The following CACNA2D1 variants were observed in gnomAD, a reference collection of about 807,000 sequenced individuals.
CACNA2D1 encodes voltage-dependent calcium channel subunit alpha-2/delta-1.
CACNA2D1 carries 53 observed loss-of-function variants against 171.5 expected under a neutral mutation model. The observed-to-expected ratio is 0.31, with a 90% confidence interval of 0.25 to 0.39. The LOEUF is 0.39. CACNA2D1 is among the 10% of genes least tolerant of loss of function. CACNA2D1 has a pLI of 1.00. For missense variants in CACNA2D1, 903 were observed against 1,299.8 expected (o/e 0.69, Z 4.69); for synonymous variants, 442 against 443.1 (o/e 1.00, Z 0.03).
chr7:81,955,688 A>G (rs998315919), intron 38 of CACNA2D1, among the ~76,000 whole-genome samples: 2 of 151,884 alleles, frequency 1.3e-5, no homozygotes, highest in African/African-American at 4.8e-5. Context: ...TCAAAACTCA[A>G]GCAAATGAAA....
intron 3 of CACNA2D1, among the ~76,000 whole-genome samples, chr7:82,240,746 A>T (rs1014173735): frequency 5.3e-5 from 8 of 152,106 alleles, no homozygotes; most frequent in African/African-American, 1.7e-4. Context: ...AGGCGGGCGG[A>T]TCACAAGGTC....
At chr7:82,023,304 T>C (rs971413312) in intron 12 of CACNA2D1, among the ~76,000 whole-genome samples, 1 of 151,918 alleles carries the variant, frequency 6.6e-6, no homozygotes, top group African/African-American at 2.4e-5. Flanking sequence ...GTTTTAAAGC[T>C]ATACCTATCT....
At chr7:82,249,462 G>A (rs141095613) in intron 3 of CACNA2D1, among the ~76,000 whole-genome samples, 114 of 152,266 alleles carry the variant, frequency 7.5e-4, no homozygotes, top group African/African-American at 2.6e-3. Flanking sequence ...GGCTGAAAAG[G>A]TGTTCCAGAA....
intron 6 of CACNA2D1, among the ~76,000 whole-genome samples, chr7:82,103,854 A>G (rs1252260418): frequency 6.6e-6 from 1 of 152,106 alleles, no homozygotes; most frequent in Admixed American, 6.5e-5. Flanking sequence ...TGGCCTAATG[A>G]TAGTTTTTAT....
chr7:82,001,722 C>G, intron 18 of CACNA2D1: 1 of 1,206,916 alleles, frequency 8.3e-7, no homozygotes, highest in Non-Finnish European at 1.1e-6. Context: ...TAGGCTGAAG[C>G]AACAGAAAAA....
chr7:82,029,395 G>C (rs1802365823), intron 12 of CACNA2D1: 1 of 151,628 alleles, frequency 6.6e-6, no homozygotes, highest in Non-Finnish European at 1.5e-5. Flanking sequence ...TCACTTAATT[G>C]CAATTTTCAC....
intron 1 of CACNA2D1, among the ~76,000 whole-genome samples, chr7:82,362,331 T>C (rs1250655258): frequency 2.0e-5 from 3 of 152,258 alleles, no homozygotes; most frequent in African/African-American, 7.2e-5. Context: ...GACCACCCTG[T>C]ATTGTAACGT....
At chr7:82,103,757 T>C (rs964431741) in intron 6 of CACNA2D1, among the ~76,000 whole-genome samples, 2 of 152,068 alleles carry the variant, frequency 1.3e-5, no homozygotes, top group Non-Finnish European at 2.9e-5. Flanking sequence ...AACAGTATAT[T>C]TAATGCTCTA....
At chr7:81,986,317 T>C (rs187141737) in intron 21 of CACNA2D1, among the ~76,000 whole-genome samples, 47 of 152,306 alleles carry the variant, frequency 3.1e-4, no homozygotes, top group Admixed American at 7.8e-4. Context: ...AAGGTGTGTA[T>C]ATCTATGCTT....
chr7:82,443,280 A>G, intron 1 of CACNA2D1, 85 bp downstream of exon 1: 1 of 1,373,096 alleles, frequency 7.3e-7, no homozygotes, highest in Non-Finnish European at 9.9e-7. Flanking sequence ...CGGGCGGAAA[A>G]GCCCCGCGAC....
intron 5 of CACNA2D1, among the ~76,000 whole-genome samples, chr7:82,135,475 G>GA (rs756036918): frequency 1.1e-4 from 16 of 151,518 alleles, no homozygotes; most frequent in Non-Finnish European, 1.9e-4. Flanking sequence ...ATGTCTAGAG[G>GA]AAAAAAAATA....
intron 7 of CACNA2D1, among the ~76,000 whole-genome samples, chr7:82,066,795 T>G (rs1807684618): frequency 6.6e-6 from 1 of 152,138 alleles, no homozygotes; most frequent in Non-Finnish European, 1.5e-5. Context: ...GGGTGCTAAC[T>G]TAATATGTTT....
At chr7:82,192,432 CTGTGTGTGTGTGTATG>C (rs1563182285) in intron 3 of CACNA2D1, among the ~76,000 whole-genome samples, 2 of 141,272 alleles carry the variant, frequency 1.4e-5, no homozygotes, top group African/African-American at 5.3e-5. Flanking sequence ...GTCTATATGT[CTGTGTGTGTGTGTATG>C]TGTGTTTGTG....
chr7:82,330,085 C>T (rs1046720154), intron 3 of CACNA2D1, among the ~76,000 whole-genome samples: 1 of 149,420 alleles, frequency 6.7e-6, no homozygotes, highest in East Asian at 2.0e-4. Context: ...AAAAAAAAAG[C>T]AAAATTGCTA....
At chr7:82,277,094 C>A (rs574400056) in intron 3 of CACNA2D1, among the ~76,000 whole-genome samples, 1 of 152,040 alleles carries the variant, frequency 6.6e-6, no homozygotes, top group Non-Finnish European at 1.5e-5. Context: ...ATTTAGAGAT[C>A]GTTCAAAACG....
intron 1 of CACNA2D1, among the ~76,000 whole-genome samples, chr7:82,412,520 T>C (rs1055036733): frequency 6.6e-6 from 1 of 151,868 alleles, no homozygotes; most frequent in African/African-American, 2.4e-5. Flanking sequence ...TGACCTCAAG[T>C]AATCTGCCCG....
chr7:82,351,582 A>G (rs1819852321), intron 1 of CACNA2D1, among the ~76,000 whole-genome samples: 1 of 151,232 alleles, frequency 6.6e-6, no homozygotes, highest in Non-Finnish European at 1.5e-5. Flanking sequence ...ACAGGATAGA[A>G]AAAGGTAAAT....
At chr7:82,154,711 TTC>T (rs2129118557) in intron 4 of CACNA2D1, among the ~76,000 whole-genome samples, 1 of 152,304 alleles carries the variant, frequency 6.6e-6, no homozygotes, top group South Asian at 2.1e-4. Context: ...GAATGCCATA[TTC>T]TGTTTTCAGA....
At chr7:82,132,810 A>G (rs1368795214) in intron 5 of CACNA2D1, among the ~76,000 whole-genome samples, 2 of 152,222 alleles carry the variant, frequency 1.3e-5, no homozygotes, top group African/African-American at 2.4e-5. Flanking sequence ...TCAATACAAC[A>G]TAATTTGTTT....
Sources: gnomAD v4.1 joint callset for allele counts (sites outside exome capture counted in the v4.1 genomes callset) on GRCh38, gnomAD v4.1.1 for gene constraint, MANE v1.5 for transcripts, NCBI Gene and HGNC (gene_info 2026-07-23, HGNC 2026-07-21) for gene names.